The following FAM135A variants were observed in gnomAD, a reference collection of about 807,000 sequenced individuals.
FAM135A encodes protein FAM135A.
Under a neutral mutation model 146.8 loss-of-function variants are expected in FAM135A, and 79 were observed. The observed-to-expected ratio is 0.54, with a 90% CI of 0.45 to 0.65. The LOEUF (loss-of-function observed/expected upper bound fraction) is 0.65. FAM135A is among the 30% of genes least tolerant of loss of function. The probability of loss-of-function intolerance (pLI) is 0.00; values close to 1 mark genes in which losing one functional copy is unlikely to be tolerated. For synonymous variants in FAM135A, 562 were observed against 603.6 expected, an observed-to-expected ratio of 0.93 and a Z score of 1.01; for missense variants, 1,623 against 1,758.2, an observed-to-expected ratio of 0.92 and a Z score of 1.38.
At chr6:70,479,948 T>C (rs1222023703) in intron 8 of FAM135A, among the ~76,000 whole-genome samples, 1 of 152,174 alleles carries the variant, frequency 6.6e-6, no homozygotes, top group African/African-American at 2.4e-5. Flanking sequence ...TACCACTTAT[T>C]TGAGACTCCC....
At chr6:70,545,118 C>G (rs1020432561) in intron 20 of FAM135A, among the ~76,000 whole-genome samples, 13 of 151,730 alleles carry the variant, frequency 8.6e-5, no homozygotes, top group Admixed American at 4.6e-4. Flanking sequence ...CAGAAATTGA[C>G]TTTTACACAA....
chr6:70,452,287 A>G (rs1777270323), intron 4 of FAM135A, among the ~76,000 whole-genome samples: 1 of 151,964 alleles, frequency 6.6e-6, no homozygotes, highest in Admixed American at 6.6e-5. Flanking sequence ...ATCTTTATAT[A>G]TACTGGGTTT....
Position 70,456,586 on chromosome 6 carries a change from C to T in FAM135A, c.157+4015C>T, listed in dbSNP as rs1267140324. Among the ~76,000 whole-genome samples, 6 of 152,174 alleles carry T rather than the reference C, an allele frequency of 3.9e-5. No individual in the cohort carries two copies. In the East Asian group the frequency reaches 1.2e-3, roughly 29 times the overall value. On this transcript the variant is annotated intron_variant, in intron 5 of 21. Transcript: ENST00000418814. ...CAAAAGTATCATTTGAAAATAAAAT[C>T]TTATTGGTTAGATTTTTAGGTTGGT...
At chr6:70,515,474 A>G (rs989171727) in intron 12 of FAM135A, among the ~76,000 whole-genome samples, 2 of 152,218 alleles carry the variant, frequency 1.3e-5, no homozygotes, top group Admixed American at 6.5e-5. Context: ...GAAACTTGAA[A>G]GCATATTGCA....
At chr6:70,430,233 A>C (rs1771225265) in intron 4 of FAM135A, among the ~76,000 whole-genome samples, 1 of 152,026 alleles carries the variant, frequency 6.6e-6, no homozygotes, top group Non-Finnish European at 1.5e-5. Context: ...GCTACTCGGG[A>C]GGCTGAGGCA....
rs751572364 is a variant in FAM135A, at chr6:70,533,243, A to G, written c.3859A>G (p.Arg1287Gly). Residue 1287 changes from arginine to glycine, a missense_variant, in exon 17 of 22, where the codon AGA becomes GGA. By Grantham distance (125) the Arg-to-Gly change is moderately radical. This residue lies in a region of FAM135A where 1,061 missense variants were observed against 1,113.8 expected (regional missense o/e 0.95). Transcript: ENST00000418814. ...GGRIDFLMSERNQNDTFADFD... is the reference protein window; with the variant it reads ...GGRIDFLMSEGNQNDTFADFD... ...AAGAATTGATTTTCTTATGTCTGAG[A>G]GAAATCAGGTACAATATGACAGTGT... 7 of 1,611,894 alleles carry G rather than the reference A, an allele frequency of 4.3e-6. No individual in the cohort carries two copies. The highest frequency in any genetic ancestry group is 5.9e-6 in the Non-Finnish European group (7 of 1,178,402).
chr6:70,488,261 C>A (rs1162729441), intron 10 of FAM135A, among the ~76,000 whole-genome samples: 2 of 151,946 alleles, frequency 1.3e-5, no homozygotes, highest in Admixed American at 6.6e-5. Flanking sequence ...ACTGTGTAGT[C>A]ATCTTAAAAA....
chr6:70,452,631 A>G, intron 5 of FAM135A, 60 bp downstream of exon 5: 1 of 1,302,916 alleles, frequency 7.7e-7, no homozygotes, highest in South Asian at 1.4e-5. Flanking sequence ...AACTTTTAAT[A>G]AAGTTTTTTC....
intron 9 of FAM135A, 131 bp from the exon 10 acceptor site, chr6:70,481,867 TACC>T: frequency 1.2e-6 from 1 of 831,692 alleles, no homozygotes; most frequent in Non-Finnish European, 1.7e-6. Context: ...TCTCAAATAT[TACC>T]ACATTTTTTA....
intron 2 of FAM135A, among the ~76,000 whole-genome samples, chr6:70,422,683 T>A (rs945190390): frequency 6.6e-6 from 1 of 152,226 alleles, no homozygotes; most frequent in East Asian, 1.9e-4. Context: ...ATTTCTGCTT[T>A]CAGTATATCA....
chr6:70,426,838 T>C (rs1770263978), intron 3 of FAM135A: 1 of 152,256 alleles, frequency 6.6e-6, no homozygotes, highest in Non-Finnish European at 1.5e-5. Context: ...ACAGTAAACC[T>C]GCCTGACTTT....
chr6:70,453,807 T>A (rs1010803503), intron 5 of FAM135A, among the ~76,000 whole-genome samples: 3 of 152,220 alleles, frequency 2.0e-5, no homozygotes, highest in Non-Finnish European at 2.9e-5. Flanking sequence ...CTTAATCCAG[T>A]CTATCATTGA....
At chr6:70,449,798 A>G (rs1283501242) in intron 4 of FAM135A, among the ~76,000 whole-genome samples, 1 of 152,164 alleles carries the variant, frequency 6.6e-6, no homozygotes, top group Non-Finnish European at 1.5e-5. Flanking sequence ...TTGCTGGATC[A>G]TATGGTAACT....
chr6:70,554,625 GT>G (rs869210798), intron 20 of FAM135A, among the ~76,000 whole-genome samples: 18 of 151,744 alleles, frequency 1.2e-4, no homozygotes, highest in Admixed American at 3.9e-4. Flanking sequence ...GTTTTGGGGG[GT>G]TTTTTTGGTT....
chr6:70,500,692 T>C (rs541140425), intron 11 of FAM135A, among the ~76,000 whole-genome samples: 13 of 152,328 alleles, frequency 8.5e-5, no homozygotes, highest in African/African-American at 3.1e-4. Context: ...TTGATGTCGA[T>C]GTTTTTGTTT....
intron 12 of FAM135A, among the ~76,000 whole-genome samples, chr6:70,506,535 G>A (rs1789801073): frequency 6.6e-6 from 1 of 152,056 alleles, no homozygotes; most frequent in African/African-American, 2.4e-5. Flanking sequence ...TGTTGGGCCA[G>A]ATTTGGTTCT....
chr6:70,454,911 A>G (rs9446255), intron 5 of FAM135A, among the ~76,000 whole-genome samples: 3,834 of 152,242 alleles, frequency 0.025, 167 homozygotes, highest in African/African-American at 0.088. Flanking sequence ...TTGGCAATGC[A>G]GGCTCTTTTT....
chr6:70,547,563 A>C (rs976881783), intron 20 of FAM135A, among the ~76,000 whole-genome samples: 1 of 152,156 alleles, frequency 6.6e-6, no homozygotes, highest in East Asian at 1.9e-4. Flanking sequence ...ATGACCAAAA[A>C]TATCTTCAGA....
rs760915534 is a variant in FAM135A at position 70,502,043 on chromosome 6, G to A, written c.874-593G>A. The stretch of plus-strand genomic sequence containing the variant: ...TCTAGGCCATTAGCATTTAAAATGT[G>A]TTCAATAAATAGCAAGTGAGTGAAT... On this transcript the variant is annotated intron_variant, in intron 11 of 21. Coordinates refer to ENST00000418814, the MANE Select transcript of FAM135A (RefSeq NM_001162529.3). Among the ~76,000 whole-genome samples, 42 of 152,066 alleles carry A rather than the reference G, an allele frequency of 2.8e-4. 1 individual carries two copies. Among genetic ancestry groups the A allele is most frequent in the Non-Finnish European group, 1.3e-4 (9 of 68,014 alleles).
Sources: gnomAD v4.1 joint callset for allele counts (sites outside exome capture counted in the v4.1 genomes callset) on GRCh38, gnomAD v4.1.1 for gene constraint, gnomAD v4.1.1 regional missense constraint, MANE v1.5 for transcripts, NCBI Gene and HGNC (gene_info 2026-07-23, HGNC 2026-07-21) for gene names.